Variants in RTN4 observed in about 807,000 individuals in gnomAD.
RTN4 encodes the protein reticulon-4.
Under a neutral mutation model 90.4 loss-of-function variants are expected in RTN4, and 32 were observed. The observed-to-expected ratio is 0.35, with a 90% CI of 0.27 to 0.48. The LOEUF (loss-of-function observed/expected upper bound fraction) is 0.48. Ranked by LOEUF, RTN4 falls within the 20% of genes least tolerant of loss-of-function variation. The pLI is 0.99. For missense variants in RTN4, 1,706 were observed against 1,430.2 expected, an observed-to-expected ratio of 1.19 and a Z score of -3.11; for synonymous variants, 629 against 552.5, an observed-to-expected ratio of 1.14 and a Z score of -1.94.
Position 55,025,292 on chromosome 2 carries a change from T to A in RTN4, c.2807A>T (p.Asp936Val). The A allele has an allele frequency of 6.2e-7, 1 of 1,613,952 alleles. No individual in the cohort carries two copies. The highest frequency in any genetic ancestry group is 8.5e-7 in the Non-Finnish European group (1 of 1,179,894). ...AGCAGACCCATTTTTAGAAAAGTCA[T>A]CTGAGAAACTGATTTTCTCTTCAAC... The part of the protein sequence containing the change: ...PKVEEKISFS[D>V]DFSKNGSATS... The change falls in exon 3 of 9, where the codon GAT becomes GTT. Residue 936 changes from aspartate to valine, a missense_variant. Transcript: ENST00000337526.
At chr2:55,011,902 AC>A (rs1369907015) in intron 3 of RTN4, among the ~76,000 whole-genome samples, 1 of 152,112 alleles carries the variant, frequency 6.6e-6, no homozygotes, top group Non-Finnish European at 1.5e-5. Context: ...TATTCACTGA[AC>A]CCCTGCATAA....
At chr2:55,059,315 T>C (rs1668248089) in intron 2 of RTN4, among the ~76,000 whole-genome samples, 1 of 152,110 alleles carries the variant, frequency 6.6e-6, no homozygotes, top group South Asian at 2.1e-4. Context: ...TAATTGTTTT[T>C]TTTTTTTAAT....
rs151328417 is a variant in RTN4, at chr2:55,091,779, G to T, written c.-213-11140C>A. ...TTTAGTTGGACTTACAGTTCCACAT[G>T]GCTGGGGAGGCCTCAGAATCATGGC... On this transcript the variant is annotated intron_variant, in intron 1 of 3. Transcript: ENST00000427710. Among the ~76,000 whole-genome samples the T allele has an allele frequency of 7.8e-3, 1,188 of 152,266 alleles. 14 individuals are homozygous for T. Among genetic ancestry groups the T allele is most frequent in the African/African-American group, 0.027 (1,136 of 41,524 alleles).
At chr2:55,085,509 C>A (rs1437294905) in intron 1 of RTN4, among the ~76,000 whole-genome samples, 1 of 152,142 alleles carries the variant, frequency 6.6e-6, no homozygotes, top group Admixed American at 6.5e-5. Flanking sequence ...TCTCTTAAGA[C>A]CCTCAACTGA....
At chr2:55,017,677 G>A (rs1048037592) in intron 3 of RTN4, among the ~76,000 whole-genome samples, 1 of 152,158 alleles carries the variant, frequency 6.6e-6, no homozygotes, top group African/African-American at 2.4e-5. Flanking sequence ...GCACCTTTCT[G>A]TACCAATGGC....
chr2:55,129,277 A>G, the RTN4 span, among the ~76,000 whole-genome samples: 1 of 152,036 alleles, frequency 6.6e-6, no homozygotes, highest in African/African-American at 2.4e-5. Context: ...TTTTCTCATC[A>G]GATTAGCAAC....
At chr2:55,052,499 C>T (rs1047599072), upstream of RTN4, among the ~76,000 whole-genome samples, 1 of 152,136 alleles carries the variant, frequency 6.6e-6, no homozygotes, top group Non-Finnish European at 1.5e-5. Flanking sequence ...CCACGGAGAA[C>T]TGGCTTTATT....
intron 3 of RTN4, among the ~76,000 whole-genome samples, chr2:55,011,523 G>A (rs758116658): frequency 4.6e-5 from 7 of 152,072 alleles, no homozygotes; most frequent in African/African-American, 1.4e-4. Flanking sequence ...TGCAATTTGC[G>A]AAAATACTAT....
intron 1 of RTN4, among the ~76,000 whole-genome samples, chr2:55,107,084 A>T (rs1432750840): frequency 6.6e-6 from 1 of 152,120 alleles, no homozygotes; most frequent in African/African-American, 2.4e-5. Flanking sequence ...CTCAAAATTA[A>T]ATCATGCCAA....
the RTN4 span, among the ~76,000 whole-genome samples, chr2:55,122,132 C>A: frequency 2.0e-5 from 3 of 151,810 alleles, no homozygotes; most frequent in Admixed American, 1.3e-4. Context: ...CAGGTAGGGG[C>A]CCCCTCTAGA....
At chr2:55,136,750 C>G in the RTN4 span, among the ~76,000 whole-genome samples, 842 of 152,328 alleles carry the variant, frequency 5.5e-3, 6 homozygotes, top group Non-Finnish European at 0.01. Context: ...AATGAGGTTA[C>G]TAGAAAATTT....
At chr2:55,117,455 G>A (rs1185265091), upstream of RTN4, among the ~76,000 whole-genome samples, 1 of 152,108 alleles carries the variant, frequency 6.6e-6, no homozygotes, top group African/African-American at 2.4e-5. Context: ...ATCCTGACTC[G>A]GCAGCATCCC....
At chr2:55,115,828 ACTAC>A (rs1668114952), upstream of RTN4, among the ~76,000 whole-genome samples, 1 of 152,126 alleles carries the variant, frequency 6.6e-6, no homozygotes, top group South Asian at 2.1e-4. Context: ...CTGCTATGAA[ACTAC>A]TACCTCCTCC....
intron 2 of RTN4, among the ~76,000 whole-genome samples, chr2:55,073,987 A>G (rs535843907): frequency 6.6e-6 from 1 of 152,360 alleles, no homozygotes; most frequent in African/African-American, 2.4e-5. Flanking sequence ...AGGTTAAGCC[A>G]GAGTCACAGC....
rs1356799619 is a variant in RTN4, at chr2:55,028,192, T to C, written c.585A>G (p.Ala195=). 5 of 1,612,842 alleles carry C rather than the reference T, an allele frequency of 3.1e-6. No homozygotes were observed. Among genetic ancestry groups the C allele is most frequent in the Middle Eastern group, 1.6e-4 (1 of 6,078 alleles). ...CAGAGGAGCGTATCACAGGCTCAGATGCAGCAGGAAGAGCAAAAAGGGTCT... is the reference window on the plus strand; with the variant it reads ...CAGAGGAGCGTATCACAGGCTCAGACGCAGCAGGAAGAGCAAAAAGGGTCT... ...VDETLFALPA[A]SEPVIRSSAE... Residue 195 remains alanine, a synonymous_variant, in exon 2 of 9, where the codon GCA becomes GCG. Coordinates refer to ENST00000337526, the MANE Select transcript of RTN4 (RefSeq NM_020532.5).
chr2:54,977,885 A>G (rs894961081), intron 5 of RTN4, among the ~76,000 whole-genome samples: 2 of 152,156 alleles, frequency 1.3e-5, no homozygotes, highest in Admixed American at 6.5e-5. Flanking sequence ...AACATGTCTT[A>G]TTTTTATTCG....
chr2:55,016,242 T>C (rs944776861), intron 3 of RTN4, among the ~76,000 whole-genome samples: 51 of 152,130 alleles, frequency 3.4e-4, no homozygotes, highest in African/African-American at 1.2e-3. Context: ...ATAAACAATA[T>C]ATAGAGTATG....
chr2:54,985,153 CTTTTT>C (rs71769973), intron 4 of RTN4, among the ~76,000 whole-genome samples: 8 of 57,894 alleles, frequency 1.4e-4, no homozygotes, highest in Non-Finnish European at 1.8e-4. Context: ...ATGACTCGGC[CTTTTT>C]TTTTTTTTTT....
At chr2:55,094,568 A>G (rs987762094) in intron 1 of RTN4, among the ~76,000 whole-genome samples, 1 of 152,206 alleles carries the variant, frequency 6.6e-6, no homozygotes, top group African/African-American at 2.4e-5. Flanking sequence ...TAAACAGACA[A>G]GTAAATATTA....
Sources: allele counts gnomAD v4.1 joint callset (sites outside exome capture counted in the v4.1 genomes callset), GRCh38; gene constraint gnomAD v4.1.1; transcripts MANE v1.5; gene names NCBI Gene and HGNC (gene_info 2026-07-23, HGNC 2026-07-21).